CFAP54: variants seen among roughly 807,000 people sequenced by gnomAD.
CFAP54 encodes cilia- and flagella-associated protein 54.
A neutral mutation model predicts 370.4 loss-of-function variants in CFAP54; 290 were observed. The ratio of observed to expected loss-of-function variants is 0.78; its 90% CI spans 0.71 to 0.86. The LOEUF is 0.86. Among genes scored for constraint, CFAP54 ranks in the 40% least tolerant of loss-of-function variants. CFAP54 has a pLI of 0.00. For synonymous variants in CFAP54, 1,206 were observed against 1,236.5 expected (o/e 0.98, Z 0.52); for missense variants, 3,399 against 3,528.7 (o/e 0.96, Z 0.93).
intron 60 of CFAP54, among the ~76,000 whole-genome samples, chr12:96,777,336 C>T (rs1395618278): frequency 6.6e-6 from 1 of 151,222 alleles, no homozygotes; most frequent in African/African-American, 2.4e-5. Flanking sequence ...TTTACTGCTT[C>T]ATCAAGGATA....
At chr12:96,551,300 C>T (rs182720588) in intron 15 of CFAP54, among the ~76,000 whole-genome samples, 2,713 of 152,034 alleles carry the variant, frequency 0.018, 70 homozygotes, top group African/African-American at 0.062. Context: ...CAAAAAAACC[C>T]GCCTCTGCCT....
chr12:96,696,970 G>A (rs1957444642), intron 45 of CFAP54, among the ~76,000 whole-genome samples: 1 of 152,174 alleles, frequency 6.6e-6, no homozygotes, highest in African/African-American at 2.4e-5. Context: ...TTTCTATAGT[G>A]CCCTAGTGTC....
At chr12:96,556,014 G>A (rs1955747388) in intron 17 of CFAP54, among the ~76,000 whole-genome samples, 1 of 151,906 alleles carries the variant, frequency 6.6e-6, no homozygotes, top group Non-Finnish European at 1.5e-5. Context: ...ATTTCAAAGT[G>A]CTAGAATACC....
intron 39 of CFAP54, among the ~76,000 whole-genome samples, chr12:96,665,004 G>C (rs1957062369): frequency 1.3e-5 from 2 of 151,506 alleles, no homozygotes; most frequent in African/African-American, 2.4e-5. Flanking sequence ...TTTACTAGCA[G>C]ACATTCTGAC....
At chr12:96,733,266 C>T (rs185145571) in intron 50 of CFAP54, among the ~76,000 whole-genome samples, 1 of 152,168 alleles carries the variant, frequency 6.6e-6, no homozygotes, top group Admixed American at 6.5e-5. Flanking sequence ...AACTTTACCC[C>T]CTGTGAGCTT....
chr12:96,752,133 A>AGAGAGAGAGAGAGAGAGAGAG (rs1671757016), intron 55 of CFAP54, among the ~76,000 whole-genome samples: 1 of 129,410 alleles, frequency 7.7e-6, no homozygotes, highest in Admixed American at 7.7e-5. Context: ...AGAGAGAGAG[A>AGAGAGAGAGAGAGAGAGAGAG]TTGAGGCTGT....
chr12:96,799,650 C>T (rs962881845), intron 63 of CFAP54, among the ~76,000 whole-genome samples: 4 of 152,314 alleles, frequency 2.6e-5, no homozygotes, highest in African/African-American at 9.6e-5. Flanking sequence ...TATAACTCTC[C>T]AGATACCTTT....
At chr12:96,777,836 A>G (rs748831460) in intron 60 of CFAP54, among the ~76,000 whole-genome samples, 12 of 152,222 alleles carry the variant, frequency 7.9e-5, no homozygotes, top group Non-Finnish European at 1.8e-4. Flanking sequence ...ATGCTAACAC[A>G]TTTGTTCCAG....
chr12:96,757,623 T>C (rs1473587185), intron 58 of CFAP54, 35 bp downstream of exon 58: 1 of 1,311,138 alleles, frequency 7.6e-7, no homozygotes, highest in Non-Finnish European at 1.1e-6. Context: ...TATGAGTTAA[T>C]TGCCTTTGAG....
At chr12:96,747,638 C>A (rs945886425) in intron 55 of CFAP54, among the ~76,000 whole-genome samples, 1 of 152,124 alleles carries the variant, frequency 6.6e-6, no homozygotes, top group African/African-American at 2.4e-5. Flanking sequence ...AACTGCAGAG[C>A]AAGCTGGTTA....
intron 38 of CFAP54, among the ~76,000 whole-genome samples, chr12:96,659,837 G>C (rs1432269001): frequency 6.6e-6 from 1 of 152,216 alleles, no homozygotes; most frequent in Admixed American, 6.5e-5. Context: ...TGCTTGAGGT[G>C]TTGCATCCAG....
intron 19 of CFAP54, 82 bp from the exon 20 acceptor site, chr12:96,576,503 T>C (rs1955977399): frequency 1.9e-6 from 2 of 1,053,090 alleles, no homozygotes; most frequent in South Asian, 2.0e-5. Context: ...TATAACATTG[T>C]TTAACATCAC....
rs2136642186 is a variant in CFAP54 at position 96,742,455 on chromosome 12, A to T, written c.7088A>T (p.Asp2363Val). The change falls in exon 52 of 68, where the codon GAT (aspartate) becomes GTT (valine). Residue 2363 changes from aspartate to valine, a missense_variant. Physicochemically the swap from Asp to Val is radical, Grantham distance 152. Transcript: ENST00000524981. ...SPGTSVTENK[D>V]DSEFLDPISL... The stretch of plus-strand genomic sequence containing the variant: ...ATTGTTTAGGTCACTGAAAATAAAG[A>T]TGACAGTGAGTTTTTAGATCCTATT... 2 of 1,581,438 alleles carry T rather than the reference A, an allele frequency of 1.3e-6. No individual in the cohort carries two copies. The highest frequency in any genetic ancestry group is 1.4e-5 in the African/African-American group (1 of 73,914).
chr12:96,825,680 T>C (rs1451923186), intron 65 of CFAP54, among the ~76,000 whole-genome samples: 2 of 122,178 alleles, frequency 1.6e-5, no homozygotes, highest in African/African-American at 6.6e-5. Flanking sequence ...ATATTATATA[T>C]AACATATCAC....
intron 65 of CFAP54, among the ~76,000 whole-genome samples, chr12:96,821,584 GA>G (rs1249643370): frequency 6.6e-6 from 1 of 151,886 alleles, no homozygotes; most frequent in Non-Finnish European, 1.5e-5. Flanking sequence ...CAGACAGAAG[GA>G]ACACTAATAT....
intron 49 of CFAP54, 46 bp from the exon 50 acceptor site, chr12:96,720,359 T>C (rs772613737): frequency 7.6e-7 from 1 of 1,310,780 alleles, no homozygotes; most frequent in South Asian, 2.6e-5. Context: ...GAGACAGTAT[T>C]TGTATTATTT....
intron 50 of CFAP54, among the ~76,000 whole-genome samples, chr12:96,730,203 A>G (rs1957905295): frequency 6.6e-6 from 1 of 152,214 alleles, no homozygotes; most frequent in Non-Finnish European, 1.5e-5. Flanking sequence ...AATTGACATC[A>G]TCCATGAAAT....
At chr12:96,806,014 A>G (rs546452196) in intron 63 of CFAP54, among the ~76,000 whole-genome samples, 1 of 151,134 alleles carries the variant, frequency 6.6e-6, no homozygotes, top group East Asian at 2.0e-4. Flanking sequence ...ATAAACATGG[A>G]CATGCACAGT....
intron 64 of CFAP54, among the ~76,000 whole-genome samples, chr12:96,816,403 G>C (rs1312832899): frequency 6.6e-6 from 1 of 151,910 alleles, no homozygotes; most frequent in East Asian, 1.9e-4. Flanking sequence ...TTTTTCAATG[G>C]GTAAGTTTTT....
Sources: gnomAD v4.1 joint callset for allele counts (sites outside exome capture counted in the v4.1 genomes callset) on GRCh38, gnomAD v4.1.1 for gene constraint, MANE v1.5 for transcripts, NCBI Gene and HGNC (gene_info 2026-07-23, HGNC 2026-07-21) for gene names.